CELF2: variants seen among roughly 807,000 people sequenced by gnomAD.
The protein encoded by CELF2 is CUGBP Elav-like family member 2.
CELF2 carries 8 observed loss-of-function variants against 62.6 expected under a neutral mutation model. That is an observed-to-expected ratio of 0.13 (90% CI 0.07 to 0.23). The LOEUF (loss-of-function observed/expected upper bound fraction) is 0.23, where lower values mean the gene tolerates loss of function less well. Among genes scored for constraint, CELF2 ranks in the 10% least tolerant of loss-of-function variants. The probability of loss-of-function intolerance (pLI) is 1.00; values close to 1 mark genes in which losing one functional copy is unlikely to be tolerated. For synonymous variants in CELF2, 258 were observed against 250.0 expected (o/e 1.03, Z -0.30); for missense variants, 333 against 671.0 (o/e 0.50, Z 5.56).
chr10:11,245,803 G>C (rs189912716), intron 3 of CELF2, among the ~76,000 whole-genome samples: 2 of 152,354 alleles, frequency 1.3e-5, no homozygotes, highest in East Asian at 3.9e-4. Flanking sequence ...AGACGAGTGT[G>C]TGTCTGCCCT....
chr10:10,767,918 C>A, the CELF2 span, among the ~76,000 whole-genome samples: 1 of 126,818 alleles, frequency 7.9e-6, no homozygotes, highest in Admixed American at 8.4e-5. Flanking sequence ...ATGGCGTGAA[C>A]CCGGGAGGCG....
At chr10:10,672,063 C>T in the CELF2 span, among the ~76,000 whole-genome samples, 1 of 152,154 alleles carries the variant, frequency 6.6e-6, no homozygotes, top group African/African-American at 2.4e-5. Context: ...TCTGTTCAGG[C>T]ATTTGGCCCA....
chr10:10,622,473 T>C, the CELF2 span, among the ~76,000 whole-genome samples: 3 of 151,674 alleles, frequency 2.0e-5, no homozygotes, highest in African/African-American at 7.3e-5. Context: ...TATGTGTGTG[T>C]GTGTGTATAT....
At chr10:10,579,279 A>C in the CELF2 span, among the ~76,000 whole-genome samples, 1 of 152,186 alleles carries the variant, frequency 6.6e-6, no homozygotes, top group Non-Finnish European at 1.5e-5. Flanking sequence ...AAGAAGGCTG[A>C]AAATGCAGGA....
chr10:11,033,126 A>G (rs562220110), intron 1 of CELF2, among the ~76,000 whole-genome samples: 8 of 152,358 alleles, frequency 5.3e-5, no homozygotes, highest in African/African-American at 1.9e-4. Flanking sequence ...AAGCCTCTAC[A>G]GTGAAAATTC....
chr10:10,963,049 G>C (rs1414398375), intron 2 of CELF2, among the ~76,000 whole-genome samples: 3 of 147,178 alleles, frequency 2.0e-5, no homozygotes, highest in Admixed American at 1.4e-4. Context: ...GTTTTGTTTT[G>C]TTTTGTTTTG....
At chr10:10,574,675 G>T in the CELF2 span, among the ~76,000 whole-genome samples, 1 of 151,670 alleles carries the variant, frequency 6.6e-6, no homozygotes, top group Non-Finnish European at 1.5e-5. Context: ...AAACATTGTA[G>T]CTGGCAGTAT....
chr10:11,166,336 A>G (rs1031296005), intron 2 of CELF2, among the ~76,000 whole-genome samples: 1 of 152,154 alleles, frequency 6.6e-6, no homozygotes, highest in Non-Finnish European at 1.5e-5. Context: ...AGATGAAGGT[A>G]TAGGATCTGG....
At chr10:10,569,773 C>T in the CELF2 span, among the ~76,000 whole-genome samples, 1 of 152,176 alleles carries the variant, frequency 6.6e-6, no homozygotes, top group African/African-American at 2.4e-5. Flanking sequence ...TGGGGAGTCA[C>T]AACTTCAGTG....
chr10:11,137,419 A>G (rs564771726), intron 1 of CELF2, among the ~76,000 whole-genome samples: 2 of 152,356 alleles, frequency 1.3e-5, no homozygotes, highest in East Asian at 1.9e-4. Context: ...TGTTAGTACA[A>G]TGCTGTGGGT....
In CELF2 at chr10:11,005,356, C is replaced by T; in HGVS notation, c.-32C>T. On this transcript the variant is annotated 5_prime_UTR_variant, in exon 1 of 13. Coordinates refer to the CELF2 transcript ENST00000416382. This position sits in a 1 kb window ranked among gnomAD's most constrained non-coding sequence, Gnocchi z 4.3. ...ATTGATGTTTGAGCATACTTCTGAACTGGCTTTTGTTGAGACTATCAGTAT... is the reference window on the plus strand; with the variant it reads ...ATTGATGTTTGAGCATACTTCTGAATTGGCTTTTGTTGAGACTATCAGTAT... 2.5e-6 allele frequency: 4 copies of T among 1,613,046 alleles called. No homozygotes were observed. Among genetic ancestry groups the T allele is most frequent in the Non-Finnish European group, 3.4e-6 (4 of 1,179,596 alleles).
the CELF2 span, among the ~76,000 whole-genome samples, chr10:10,469,996 A>G: frequency 1.3e-5 from 2 of 151,910 alleles, no homozygotes; most frequent in African/African-American, 2.4e-5. Flanking sequence ...TTGAGCACCC[A>G]ACATGATGCT....
At chr10:10,593,873 G>A in the CELF2 span, among the ~76,000 whole-genome samples, 1 of 152,158 alleles carries the variant, frequency 6.6e-6, no homozygotes, top group Non-Finnish European at 1.5e-5. Context: ...TTTCCCATCT[G>A]TGAAGTGGAT....
At chr10:10,747,585 A>G in the CELF2 span, among the ~76,000 whole-genome samples, 468 of 152,302 alleles carry the variant, frequency 3.1e-3, 2 homozygotes, top group African/African-American at 0.011. Context: ...TAAAAAGGAC[A>G]GCCTCAGAGG....
At chr10:11,042,791 A>G (rs1461038516) in intron 1 of CELF2, among the ~76,000 whole-genome samples, 3 of 152,120 alleles carry the variant, frequency 2.0e-5, no homozygotes, top group African/African-American at 7.2e-5. Context: ...TAATTGTATA[A>G]TATGTGGCCT....
chr10:10,765,960 G>A, the CELF2 span, among the ~76,000 whole-genome samples: 1 of 152,114 alleles, frequency 6.6e-6, no homozygotes, highest in Non-Finnish European at 1.5e-5. Flanking sequence ...AAGCGCACTG[G>A]GCCACCCTCC....
chr10:10,721,430 G>A, the CELF2 span, among the ~76,000 whole-genome samples: 2 of 152,166 alleles, frequency 1.3e-5, no homozygotes, highest in Non-Finnish European at 2.9e-5. Flanking sequence ...TTGGTAAAAC[G>A]CAAAGCTACT....
chr10:10,998,471 A>G (rs779513332), intron 2 of CELF2, among the ~76,000 whole-genome samples: 26 of 152,376 alleles, frequency 1.7e-4, no homozygotes, highest in Non-Finnish European at 3.5e-4. Context: ...GCAATGTAAA[A>G]TAAAATTTAA....
chr10:10,619,535 G>C, the CELF2 span, among the ~76,000 whole-genome samples: 1,277 of 152,298 alleles, frequency 8.4e-3, 10 homozygotes, highest in Non-Finnish European at 0.011. Context: ...AAAGATGGAC[G>C]TGGAGGTCTT....
Sources: allele counts gnomAD v4.1 joint callset (sites outside exome capture counted in the v4.1 genomes callset), GRCh38; gene constraint gnomAD v4.1.1; non-coding constraint Gnocchi (gnomAD v3.1); transcripts MANE v1.5; gene names NCBI Gene and HGNC (gene_info 2026-07-23, HGNC 2026-07-21).